RERE: variants seen among roughly 807,000 people sequenced by gnomAD.
RERE encodes the protein arginine-glutamic acid dipeptide repeats protein.
RERE carries 40 observed loss-of-function variants against 146.1 expected under a neutral mutation model. The ratio of observed to expected loss-of-function variants is 0.27; its 90% CI spans 0.21 to 0.36. RERE has a LOEUF of 0.36. Among genes scored for constraint, RERE ranks in the 10% least tolerant of loss-of-function variants. The pLI is 1.00. For missense variants in RERE, 1,933 were observed against 2,138.7 expected (o/e 0.90, Z 1.90); for synonymous variants, 1,003 against 866.0 (o/e 1.16, Z -2.78).
chr1:8,598,691 CCT>C (rs1176959915), intron 4 of RERE, among the ~76,000 whole-genome samples: 1 of 152,210 alleles, frequency 6.6e-6, no homozygotes, highest in Non-Finnish European at 1.5e-5. Context: ...CCCACTCAAC[CCT>C]CTCCCCTCCA....
At position 8,355,483 on chromosome 1, in the gene RERE, G is replaced by A. The variant is rs1203155012; in HGVS notation, c.4603C>T (p.Gln1535Ter). The A allele has an allele frequency of 6.2e-7, 1 of 1,612,740 alleles. No homozygotes were observed. The stretch of plus-strand genomic sequence containing the variant: ...ATGTGGGGGTGTCCATGCAGCCACT[G>A]CTGCTCCATGGCCAGTCTCTGCAGC... Reference protein sequence around the residue: ...AELQRLAMEQQWLHGHPHMHG... With the variant: ...AELQRLAMEQ Residue 1535 changes from glutamine (Q) to a stop codon, truncating the protein, a stop_gained, in exon 22 of 23, where the codon CAG (glutamine) becomes TAG (stop). Coordinates refer to ENST00000400908, the MANE Select transcript of RERE (RefSeq NM_001042681.2). LOFTEE classifies it high-confidence loss of function.
At chr1:8,613,547 T>C (rs994542270) in intron 4 of RERE, among the ~76,000 whole-genome samples, 10 of 152,160 alleles carry the variant, frequency 6.6e-5, no homozygotes, top group African/African-American at 2.4e-4. Flanking sequence ...CCACAGCCCA[T>C]CTGGAGCACT....
chr1:8,614,749 G>C, intron 3 of RERE, 63 bp from the exon 4 acceptor site: 1 of 1,530,200 alleles, frequency 6.5e-7, no homozygotes, highest in Non-Finnish European at 8.8e-7. Context: ...GGTTATTAGG[G>C]GCACGCAGCA....
At chr1:8,791,277 C>T (rs1641359123) in intron 1 of RERE, among the ~76,000 whole-genome samples, 1 of 152,338 alleles carries the variant, frequency 6.6e-6, no homozygotes, top group Middle Eastern at 3.4e-3. Flanking sequence ...TATATGCACA[C>T]TTAATGACTC....
chr1:8,716,975 C>T (rs1639776759), intron 1 of RERE, among the ~76,000 whole-genome samples: 1 of 151,658 alleles, frequency 6.6e-6, no homozygotes, highest in Non-Finnish European at 1.5e-5. Context: ...TAATCTTATA[C>T]CAAAAAGAAA....
chr1:8,719,180 CT>C (rs779660154), intron 1 of RERE, among the ~76,000 whole-genome samples: 2 of 152,184 alleles, frequency 1.3e-5, no homozygotes, highest in Non-Finnish European at 2.9e-5. Flanking sequence ...CAGCTGGGTT[CT>C]GCAAGCAGAG....
At chr1:8,682,161 C>A (rs551008680) in intron 1 of RERE, among the ~76,000 whole-genome samples, 172 of 152,272 alleles carry the variant, frequency 1.1e-3, no homozygotes, top group African/African-American at 3.7e-3. Flanking sequence ...TCTGTCGTAT[C>A]ATGAGATGAA....
intron 12 of RERE, among the ~76,000 whole-genome samples, chr1:8,392,142 T>C (rs1642902799): frequency 6.6e-6 from 1 of 152,216 alleles, no homozygotes; most frequent in South Asian, 2.1e-4. Context: ...TAAATATCTG[T>C]AAGATGAATG....
chr1:8,717,561 T>C (rs890996178), intron 1 of RERE, among the ~76,000 whole-genome samples: 4 of 152,182 alleles, frequency 2.6e-5, no homozygotes, highest in Non-Finnish European at 5.9e-5. Flanking sequence ...ACCTTAAAGG[T>C]TATGCTTTGA....
At chr1:8,374,121 G>A (rs950430121) in intron 12 of RERE, among the ~76,000 whole-genome samples, 33 of 152,176 alleles carry the variant, frequency 2.2e-4, no homozygotes, top group African/African-American at 7.0e-4. Flanking sequence ...TCAAGAGGCC[G>A]AAGGGCTCTG....
chr1:8,356,122 C>T lies in RERE; in HGVS notation c.4464G>A (p.Glu1488=). 1 of 1,507,674 alleles carries T rather than the reference C, an allele frequency of 6.6e-7. No homozygotes were observed. Among genetic ancestry groups the T allele is most frequent in the Non-Finnish European group, 8.8e-7 (1 of 1,131,702 alleles). 93.4% of individuals were successfully genotyped at this position (1,507,674 alleles called of 1,614,324 possible). ...TACCGAAAACTGGGTGGCGAAGCAT[C>T]TCGTGCTCGTGTGGGGGCTGTCCAA... The part of the protein sequence containing the change: ...PLLGQPPHEH[E]MLRHPVFGTP... Residue 1488 remains glutamate (E), a synonymous_variant, in exon 21 of 23, where the codon GAG becomes GAA. Coordinates refer to ENST00000400908, the MANE Select transcript of RERE (RefSeq NM_001042681.2). The surrounding 1 kb of genome is among the most constrained non-coding windows in gnomAD (Gnocchi z 5.2).
intron 4 of RERE, among the ~76,000 whole-genome samples, chr1:8,580,492 G>A (rs1003445737): frequency 1.8e-4 from 27 of 152,198 alleles, no homozygotes; most frequent in Admixed American, 5.2e-4. Context: ...TCATTAAATT[G>A]CATTATAAGA....
chr1:8,769,254 A>G (rs1640901656), intron 1 of RERE, among the ~76,000 whole-genome samples: 1 of 152,200 alleles, frequency 6.6e-6, no homozygotes, highest in Admixed American at 6.5e-5. Context: ...AGCAATTTCA[A>G]GGAAAAAACA....
chr1:8,687,818 C>A (rs1639124178), intron 1 of RERE, among the ~76,000 whole-genome samples: 1 of 152,116 alleles, frequency 6.6e-6, no homozygotes, highest in Admixed American at 6.5e-5. Flanking sequence ...GGTTTTAATG[C>A]CTTAAGCCAA....
intron 10 of RERE, among the ~76,000 whole-genome samples, chr1:8,487,608 A>C (rs1411287222): frequency 6.6e-6 from 1 of 152,196 alleles, no homozygotes; most frequent in East Asian, 1.9e-4. Flanking sequence ...CATTGTACTT[A>C]ATAGTAAATG....
At chr1:8,591,632 TA>T (rs1305722459) in intron 4 of RERE, among the ~76,000 whole-genome samples, 2 of 152,142 alleles carry the variant, frequency 1.3e-5, no homozygotes, top group Non-Finnish European at 2.9e-5. Flanking sequence ...GCCTCCTGGC[TA>T]AACCAAGAAG....
In RERE at chr1:8,730,334, G is replaced by GT. The variant is rs777857928; in HGVS notation, c.-144-73894dup. ...GTAATTTCCCCCATTTGTTTTTGGG[G>GT]TTTTTTTTGTTTTTGTTTTTGTTTT... On this transcript the variant is annotated intron_variant, in intron 1 of 22. Transcript: ENST00000400908. Among the ~76,000 whole-genome samples, 12 of 151,908 alleles carry GT rather than the reference G, an allele frequency of 7.9e-5. No homozygotes were observed. The East Asian group carries it at 9.7e-4, about 12-fold the overall frequency.
At chr1:8,700,648 C>G (rs1025638476) in intron 1 of RERE, among the ~76,000 whole-genome samples, 1 of 152,106 alleles carries the variant, frequency 6.6e-6, no homozygotes, top group Non-Finnish European at 1.5e-5. Flanking sequence ...AGGTAAGAGA[C>G]AAGGGGGAAA....
chr1:8,383,658 A>C (rs1419972867), intron 12 of RERE, among the ~76,000 whole-genome samples: 1 of 152,104 alleles, frequency 6.6e-6, no homozygotes, highest in African/African-American at 2.4e-5. Flanking sequence ...CAGGAGTTTG[A>C]GACCAGCCTG....
Sources: gnomAD v4.1 joint callset for allele counts (sites outside exome capture counted in the v4.1 genomes callset) on GRCh38, gnomAD v4.1.1 for gene constraint, Gnocchi (gnomAD v3.1) non-coding constraint, MANE v1.5 for transcripts, NCBI Gene and HGNC (gene_info 2026-07-23, HGNC 2026-07-21) for gene names.